PCDHGB1: variants seen among roughly 807,000 people sequenced by gnomAD.
The protein encoded by PCDHGB1 is protocadherin gamma subfamily B, 1, also known as protocadherin gamma-B1.
A neutral mutation model predicts 56.6 loss-of-function variants in PCDHGB1; 34 were observed. That is an observed-to-expected ratio of 0.60 (90% CI 0.46 to 0.80). The LOEUF (loss-of-function observed/expected upper bound fraction) is 0.80. Among genes scored for constraint, PCDHGB1 ranks in the 30% least tolerant of loss-of-function variants. The pLI, the probability that PCDHGB1 is intolerant of heterozygous loss-of-function variation, is 0.00. For synonymous variants in PCDHGB1, 561 were observed against 505.9 expected (o/e 1.11, Z -1.46); for missense variants, 1,278 against 1,204.6 (o/e 1.06, Z -0.90).
intron 1 of PCDHGB1, chr5:141,395,091 A>ACCG (rs771313907): frequency 6.2e-7 from 1 of 1,614,118 alleles, no homozygotes; most frequent in South Asian, 1.1e-5. Context: ...AGTCTCCCTC[A>ACCG]CCGCCGACTC....
intron 1 of PCDHGB1, chr5:141,383,148 C>G (rs1326737910): frequency 6.2e-7 from 1 of 1,614,124 alleles, no homozygotes; most frequent in Non-Finnish European, 8.5e-7. Context: ...GCAGCGGCAG[C>G]TTGGTCACTG....
intron 1 of PCDHGB1, among the ~76,000 whole-genome samples, chr5:141,425,059 G>A (rs1056925377): frequency 3.3e-5 from 5 of 152,110 alleles, no homozygotes; most frequent in Non-Finnish European, 7.4e-5. Flanking sequence ...CTAGGGCTCG[G>A]ACAAAAATAA....
rs759809591 is a variant in PCDHGB1 at position 141,511,048 on chromosome 5, C to T, written c.2659C>T (p.Arg887Cys). The change falls in exon 4 of 4, where the codon CGC becomes TGC. Residue 887 changes from arginine (R) to cysteine (C), a missense_variant. Coordinates refer to ENST00000523390, the MANE Select transcript of PCDHGB1 (RefSeq NM_018922.3). ...QFTLQHVPDY[R>C]QNVYIPGSNA... ...CACCCTGCAGCACGTGCCCGACTAC[C>T]GCCAGAATGTCTACATCCCAGGCAG... 9 of 1,614,224 alleles carry T rather than the reference C, an allele frequency of 5.6e-6. No individual in the cohort carries two copies. The highest frequency in any genetic ancestry group is 1.7e-5 in the Admixed American group (1 of 60,034).
intron 1 of PCDHGB1, chr5:141,410,258 G>T: frequency 6.2e-7 from 1 of 1,614,022 alleles, no homozygotes; most frequent in Non-Finnish European, 8.5e-7. Flanking sequence ...TGACCCCCAG[G>T]CTGAACTGCA....
At chr5:141,429,657 A>G (rs1455808092) in intron 1 of PCDHGB1, among the ~76,000 whole-genome samples, 1 of 152,232 alleles carries the variant, frequency 6.6e-6, no homozygotes, top group African/African-American at 2.4e-5. Flanking sequence ...TTCCCAATTT[A>G]AAATATATTA....
chr5:141,415,786 A>ATT, intron 1 of PCDHGB1: 2 of 1,374,914 alleles, frequency 1.5e-6, no homozygotes, highest in Non-Finnish European at 1.9e-6. Flanking sequence ...TTCTGGTAAA[A>ATT]TTCACCTAGT....
intron 1 of PCDHGB1, chr5:141,442,378 GGT>G (rs2098320015): frequency 6.6e-6 from 1 of 152,334 alleles, no homozygotes; most frequent in Middle Eastern, 3.4e-3. Context: ...ATTCCTACCA[GGT>G]GTGTGCTTCT....
At chr5:141,414,155 A>G in intron 1 of PCDHGB1, 1 of 1,601,706 alleles carries the variant, frequency 6.2e-7, no homozygotes, top group Non-Finnish European at 8.5e-7. Context: ...CAAGCAGAAG[A>G]TGGAGGAGCA....
intron 1 of PCDHGB1, among the ~76,000 whole-genome samples, chr5:141,465,779 GT>G (rs879859429): frequency 5.2e-4 from 76 of 145,138 alleles, no homozygotes; most frequent in South Asian, 1.1e-3. Flanking sequence ...TCTTGTTACA[GT>G]TTTTTTTTTT....
At chr5:141,372,324 G>C in intron 1 of PCDHGB1, 2 of 1,613,704 alleles carry the variant, frequency 1.2e-6, no homozygotes, top group South Asian at 2.2e-5. Context: ...GCGCCTGCTG[G>C]TCACTGTGCG....
At chr5:141,366,265 C>T (rs756734800) in intron 1 of PCDHGB1, 2 of 1,613,684 alleles carry the variant, frequency 1.2e-6, no homozygotes, top group Non-Finnish European at 1.7e-6. Context: ...TCGTGGTGGC[C>T]GTCGAAGACC....
chr5:141,480,533 G>A (rs2099521308), intron 1 of PCDHGB1, among the ~76,000 whole-genome samples: 1 of 127,758 alleles, frequency 7.8e-6, no homozygotes, highest in African/African-American at 3.6e-5. Flanking sequence ...CAAAGTAGAA[G>A]CACATATGAA....
At chr5:141,510,910 A>T (rs780792326) in intron 3 of PCDHGB1, 37 bp from the exon 4 acceptor site, 1 of 1,613,740 alleles carries the variant, frequency 6.2e-7, no homozygotes, top group East Asian at 2.2e-5. Flanking sequence ...GAGGACCCTA[A>T]GTTTAGCTCC....
At chr5:141,398,009 C>A (rs1589315775) in intron 1 of PCDHGB1, 6 of 1,400,558 alleles carry the variant, frequency 4.3e-6, no homozygotes, top group East Asian at 5.1e-5. Flanking sequence ...GAAAAAGAAT[C>A]GTTTCCTAAA....
intron 1 of PCDHGB1, chr5:141,355,800 A>G (rs759729781): frequency 1.2e-6 from 2 of 1,613,580 alleles, no homozygotes; most frequent in East Asian, 4.5e-5. Flanking sequence ...AACGCGCTCT[A>G]GATCGCGAGG....
At chr5:141,461,170 G>T (rs1347666737) in intron 1 of PCDHGB1, among the ~76,000 whole-genome samples, 1 of 152,052 alleles carries the variant, frequency 6.6e-6, no homozygotes. Context: ...GGGATTGCTG[G>T]ATTGAATGGT....
At chr5:141,356,172 G>A (rs1760140235) in intron 1 of PCDHGB1, 1 of 1,612,824 alleles carries the variant, frequency 6.2e-7, no homozygotes. Context: ...CCCATGATGG[G>A]CCTGGTCTCC....
intron 1 of PCDHGB1, among the ~76,000 whole-genome samples, chr5:141,451,724 A>G (rs2098722682): frequency 6.6e-6 from 1 of 152,170 alleles, no homozygotes; most frequent in Non-Finnish European, 1.5e-5. Context: ...TCTACTAAAA[A>G]TACAAAAATT....
At chr5:141,409,212 T>C (rs751644523) in intron 1 of PCDHGB1, 1 of 1,613,924 alleles carries the variant, frequency 6.2e-7, no homozygotes, top group Non-Finnish European at 8.5e-7. Context: ...ATCATAGAAA[T>C]CCTTGATGAA....
Sources: allele counts gnomAD v4.1 joint callset (sites outside exome capture counted in the v4.1 genomes callset), GRCh38; gene constraint gnomAD v4.1.1; transcripts MANE v1.5; gene names NCBI Gene and HGNC (gene_info 2026-07-23, HGNC 2026-07-21).